The following CHLSN variants were observed in gnomAD, a reference collection of about 807,000 sequenced individuals.
The protein encoded by CHLSN is protein cholesin.
At chr7:999,496 G>A in the CHLSN span, among the ~76,000 whole-genome samples, 1 of 151,810 alleles carries the variant, frequency 6.6e-6, no homozygotes. Flanking sequence ...AGTGGCTTGA[G>A]CCCAGGAGGT....
At chr7:1,070,479 G>A in the CHLSN span, among the ~76,000 whole-genome samples, 21 of 151,268 alleles carry the variant, frequency 1.4e-4, no homozygotes, top group South Asian at 3.4e-3. Flanking sequence ...ACGCACATAC[G>A]CACACGGGCA....
chr7:1,023,038 C>A, the CHLSN span: 1 of 454,800 alleles, frequency 2.2e-6, no homozygotes, highest in Non-Finnish European at 4.4e-6. This position sits in a 1 kb window ranked among gnomAD's most constrained non-coding sequence, Gnocchi z 5.0. Flanking sequence ...CCCTGCGGAG[C>A]ACAGGACGCT....
the CHLSN span, among the ~76,000 whole-genome samples, chr7:1,107,980 G>GTCCCGC: frequency 2.4e-4 from 30 of 126,094 alleles, 10 homozygotes; most frequent in African/African-American, 6.1e-4. Context: ...CCGCACTGGA[G>GTCCCGC]ACCCGCACCC....
the CHLSN span, chr7:1,009,964 C>T: frequency 6.4e-7 from 1 of 1,561,800 alleles, no homozygotes; most frequent in East Asian, 2.4e-5. Flanking sequence ...AGAGGTAGTC[C>T]AGGGCCAGTT....
At chr7:1,048,189 C>T in the CHLSN span, among the ~76,000 whole-genome samples, 12 of 152,066 alleles carry the variant, frequency 7.9e-5, no homozygotes, top group African/African-American at 2.7e-4. Context: ...GATCAACATC[C>T]GCAAAAGACA....
chr7:1,136,243 A>G, the CHLSN span, among the ~76,000 whole-genome samples: 1 of 118,086 alleles, frequency 8.5e-6, no homozygotes, highest in Non-Finnish European at 1.6e-5. Flanking sequence ...TATAAAATAT[A>G]TATAAATATA....
At chr7:1,095,238 G>A in the CHLSN span, among the ~76,000 whole-genome samples, 5 of 151,970 alleles carry the variant, frequency 3.3e-5, no homozygotes, top group South Asian at 6.2e-4. Flanking sequence ...GGATGTACTC[G>A]CTCAATGCCC....
chr7:1,005,817 C>T, the CHLSN span, among the ~76,000 whole-genome samples: 1 of 152,178 alleles, frequency 6.6e-6, no homozygotes, highest in Admixed American at 6.5e-5. Context: ...CCGGCTGGAT[C>T]CGTGTGGCCC....
chr7:988,558 C>A, the CHLSN span: 1 of 1,597,862 alleles, frequency 6.3e-7, no homozygotes. Context: ...TCCTGTGCTC[C>A]CCTGGGGAGG....
chr7:988,138 G>A, the CHLSN span: 6 of 1,050,486 alleles, frequency 5.7e-6, no homozygotes, highest in East Asian at 1.6e-4. Flanking sequence ...CCTGGGTTTG[G>A]GTGCCTCACC....
chr7:1,008,783 C>A, the CHLSN span, among the ~76,000 whole-genome samples: 1 of 151,844 alleles, frequency 6.6e-6, no homozygotes, highest in African/African-American at 2.4e-5. Flanking sequence ...CACGCACACA[C>A]GCACATGTAC....
chr7:1,046,307 G>A, the CHLSN span, among the ~76,000 whole-genome samples: 12 of 152,340 alleles, frequency 7.9e-5, no homozygotes, highest in South Asian at 2.5e-3. Flanking sequence ...TGCCTTTGCA[G>A]AAGGAAATTA....
At chr7:1,047,544 A>C in the CHLSN span, among the ~76,000 whole-genome samples, 3 of 152,240 alleles carry the variant, frequency 2.0e-5, no homozygotes, top group African/African-American at 7.2e-5. Context: ...GCTGGATGTT[A>C]ATTGTTGCTA....
chr7:1,062,934 A>T, the CHLSN span, among the ~76,000 whole-genome samples: 1 of 152,138 alleles, frequency 6.6e-6, no homozygotes, highest in African/African-American at 2.4e-5. Context: ...TAAACACCCT[A>T]TTCCTAACCC....
At chr7:1,011,476 C>T in the CHLSN span, among the ~76,000 whole-genome samples, 2 of 147,544 alleles carry the variant, frequency 1.4e-5, no homozygotes, top group Non-Finnish European at 3.0e-5. Flanking sequence ...CACACCCACA[C>T]CCAGACACAC....
the CHLSN span, among the ~76,000 whole-genome samples, chr7:1,090,049 A>T: frequency 6.6e-6 from 1 of 151,226 alleles, no homozygotes; most frequent in South Asian, 2.1e-4. Flanking sequence ...GTGCCACTGC[A>T]CTCCAACCTG....
At chr7:983,206 G>A in the CHLSN span, 3 of 1,491,452 alleles carry the variant, frequency 2.0e-6, no homozygotes, top group East Asian at 2.6e-5. Flanking sequence ...CACCAGCCAC[G>A]TCCTCATGGC....
At chr7:1,001,554 TGGAGCCCTGTGGGTGG>T in the CHLSN span, among the ~76,000 whole-genome samples, 2 of 83,666 alleles carry the variant, frequency 2.4e-5, no homozygotes, top group African/African-American at 4.8e-5. Context: ...TGTGGGTGAG[TGGAGCCCTGTGGGTGG>T]GGAGTCCTGT....
chr7:1,028,940 C>G, the CHLSN span: 1 of 500,860 alleles, frequency 2.0e-6, no homozygotes, highest in East Asian at 1.5e-4. Context: ...CTCCCCTGCC[C>G]AGGCCCTGCA....
Sources: allele counts gnomAD v4.1 joint callset (sites outside exome capture counted in the v4.1 genomes callset), GRCh38; gene constraint gnomAD v4.1.1; non-coding constraint Gnocchi (gnomAD v3.1); transcripts MANE v1.5; gene names NCBI Gene and HGNC (gene_info 2026-07-23, HGNC 2026-07-21).